LINGO2: variants seen among roughly 807,000 people sequenced by gnomAD.
LINGO2 encodes leucine-rich repeat and immunoglobulin-like domain-containing nogo receptor-interacting protein 2.
LINGO2 carries 14 observed loss-of-function variants against 30.6 expected under a neutral mutation model. The observed-to-expected ratio is 0.46, with a 90% CI of 0.30 to 0.72. LINGO2 has a LOEUF of 0.72. LINGO2 is among the 30% of genes least tolerant of loss of function. The pLI is 0.07. For missense variants in LINGO2, 729 were observed against 751.7 expected (o/e 0.97, Z 0.35); for synonymous variants, 317 against 288.5 (o/e 1.10, Z -1.00).
chr9:28,427,887 A>T (rs1327844999), intron 2 of LINGO2, among the ~76,000 whole-genome samples: 2 of 152,144 alleles, frequency 1.3e-5, no homozygotes, highest in African/African-American at 2.4e-5. Flanking sequence ...ATATTATATG[A>T]GGACATTCAA....
chr9:28,983,583 C>G, the LINGO2 span, among the ~76,000 whole-genome samples: 1 of 151,714 alleles, frequency 6.6e-6, no homozygotes, highest in Non-Finnish European at 1.5e-5. Context: ...TTTCCTGAAA[C>G]TATATGAACG....
intron 5 of LINGO2, among the ~76,000 whole-genome samples, chr9:28,012,110 T>C (rs1822585025): frequency 6.6e-6 from 1 of 152,128 alleles, no homozygotes; most frequent in Non-Finnish European, 1.5e-5. Flanking sequence ...TAGGACTTCA[T>C]AAAAGGAAAC....
At chr9:28,522,967 T>G (rs888616248) in intron 1 of LINGO2, among the ~76,000 whole-genome samples, 2 of 151,092 alleles carry the variant, frequency 1.3e-5, no homozygotes, top group Non-Finnish European at 3.0e-5. Flanking sequence ...ATGTAGAAGA[T>G]ATAAATACAT....
At chr9:28,223,291 C>T (rs4625117) in intron 4 of LINGO2, among the ~76,000 whole-genome samples, 4 of 152,192 alleles carry the variant, frequency 2.6e-5, no homozygotes, top group Non-Finnish European at 5.9e-5. Flanking sequence ...CTCTCTGCTT[C>T]TAAGATTCTG....
intron 2 of LINGO2, among the ~76,000 whole-genome samples, chr9:28,431,039 A>C (rs1823652514): frequency 1.3e-5 from 1 of 76,294 alleles, no homozygotes; most frequent in Admixed American, 1.6e-4. Flanking sequence ...TGAGAGAGAG[A>C]GAGAGAGAGA....
chr9:28,848,176 TAC>T, the LINGO2 span, among the ~76,000 whole-genome samples: 1 of 100,662 alleles, frequency 9.9e-6, no homozygotes, highest in South Asian at 2.9e-4. Flanking sequence ...TGTGTATATA[TAC>T]ACACTATATA....
chr9:28,188,289 A>G (rs994226067), intron 4 of LINGO2, among the ~76,000 whole-genome samples: 4 of 143,690 alleles, frequency 2.8e-5, no homozygotes, highest in African/African-American at 1.0e-4. Context: ...CCACATAATA[A>G]TTGCTTCTGA....
At chr9:28,797,597 A>G in the LINGO2 span, among the ~76,000 whole-genome samples, 1 of 152,146 alleles carries the variant, frequency 6.6e-6, no homozygotes, top group African/African-American at 2.4e-5. Flanking sequence ...CCATTAATTA[A>G]CATATAAAAT....
chr9:28,609,171 T>A (rs1825810141), intron 1 of LINGO2, among the ~76,000 whole-genome samples: 1 of 151,684 alleles, frequency 6.6e-6, no homozygotes, highest in Non-Finnish European at 1.5e-5. Flanking sequence ...TTTTTTTTTT[T>A]TACAAAACTA....
At chr9:28,208,207 G>A (rs1250568751) in intron 4 of LINGO2, among the ~76,000 whole-genome samples, 1 of 151,920 alleles carries the variant, frequency 6.6e-6, no homozygotes, top group East Asian at 1.9e-4. Flanking sequence ...AGAATTTTAT[G>A]TTTTGAATTT....
At chr9:27,949,208 A>C in exon 6 of LINGO2, 1 of 1,614,118 alleles carries the variant, frequency 6.2e-7, no homozygotes. Flanking sequence ...CATTCCCAGC[A>C]GCATTGCTAG....
the LINGO2 span, among the ~76,000 whole-genome samples, chr9:28,684,458 G>A: frequency 6.7e-6 from 1 of 150,344 alleles, no homozygotes; most frequent in Non-Finnish European, 1.5e-5. Context: ...CAAAGTGCTG[G>A]GATTACAGGC....
the LINGO2 span, among the ~76,000 whole-genome samples, chr9:29,100,624 A>G: frequency 6.6e-6 from 1 of 152,082 alleles, no homozygotes; most frequent in African/African-American, 2.4e-5. Context: ...AAATAGTTAA[A>G]AAGAATAAAT....
chr9:28,129,873 G>GA lies in LINGO2; in HGVS notation c.-86-117469dup, dbSNP rs762496940. ...CTTGGAAAATAAAGAAACATGCATA[G>GA]AAAAAATATGTTGTTCTTTTTATAG... On this transcript the variant is annotated intron_variant, in intron 4 of 5. Transcript: ENST00000379992. The surrounding 1 kb of genome is among the most constrained non-coding windows in gnomAD (Gnocchi z 4.0). 2.0e-5 allele frequency among the ~76,000 whole-genome samples: 3 copies of GA among 152,216 alleles called. No individual in the cohort carries two copies. Among genetic ancestry groups the GA allele is most frequent in the Non-Finnish European group, 4.4e-5 (3 of 67,996 alleles).
At chr9:28,424,267 G>A (rs535074032) in intron 2 of LINGO2, among the ~76,000 whole-genome samples, 11 of 152,166 alleles carry the variant, frequency 7.2e-5, no homozygotes, top group Non-Finnish European at 1.5e-4. Flanking sequence ...CATGAAGGAA[G>A]TGAAGTTATA....
the LINGO2 span, among the ~76,000 whole-genome samples, chr9:29,167,631 A>G: frequency 2.0e-5 from 3 of 152,144 alleles, 1 homozygote; most frequent in South Asian, 6.2e-4. Context: ...AAACAAAACA[A>G]AAACCTGTCA....
intron 4 of LINGO2, among the ~76,000 whole-genome samples, chr9:28,277,645 A>AC (rs1245875163): frequency 6.6e-6 from 1 of 152,008 alleles, no homozygotes; most frequent in East Asian, 1.9e-4. Context: ...CTCTACTAAA[A>AC]ACACACACAA....
At chr9:27,971,621 T>A (rs1820360966) in intron 5 of LINGO2, among the ~76,000 whole-genome samples, 2 of 152,128 alleles carry the variant, frequency 1.3e-5, no homozygotes, top group Non-Finnish European at 2.9e-5. Flanking sequence ...ACTCTTGACC[T>A]CAAGTGATCT....
intron 1 of LINGO2, among the ~76,000 whole-genome samples, chr9:28,590,903 C>T (rs953467471): frequency 6.6e-6 from 1 of 152,072 alleles, no homozygotes; most frequent in African/African-American, 2.4e-5. Flanking sequence ...GACTTGGAAC[C>T]AACCCAAATG....
Sources: allele counts gnomAD v4.1 joint callset (sites outside exome capture counted in the v4.1 genomes callset), GRCh38; gene constraint gnomAD v4.1.1; non-coding constraint Gnocchi (gnomAD v3.1); transcripts MANE v1.5; gene names NCBI Gene and HGNC (gene_info 2026-07-23, HGNC 2026-07-21).